The following ADH6 variants were observed in gnomAD, a reference collection of about 807,000 sequenced individuals.
ADH6 encodes alcohol dehydrogenase 6 (class V), also known as alcohol dehydrogenase 6.
A neutral mutation model predicts 36.5 loss-of-function variants in ADH6; 34 were observed. The observed-to-expected ratio is 0.93, with a 90% CI of 0.71 to 1.24. The LOEUF is 1.24. Ranked by LOEUF, ADH6 falls within the 50% of genes most tolerant of loss-of-function variation. The probability of loss-of-function intolerance (pLI) is 0.00; values close to 1 mark genes in which losing one functional copy is unlikely to be tolerated. For missense variants in ADH6, 440 were observed against 447.0 expected, an observed-to-expected ratio of 0.98 and a Z score of 0.14; for synonymous variants, 161 against 155.5, an observed-to-expected ratio of 1.04 and a Z score of -0.26.
chr4:99,203,207 G>A lies in ADH6; in HGVS notation c.*1012C>T, dbSNP rs1256381755. 3 of 158,948 alleles carry A rather than the reference G, an allele frequency of 1.9e-5. No homozygotes were observed. The allele number at this position is 158,948 out of a possible 1,614,324, so 9.8% of individuals were successfully genotyped here. A position where few individuals can be genotyped will look rare whatever the true frequency, so the allele number is the denominator to read the frequency against. On this transcript the variant is annotated 3_prime_UTR_variant, in exon 9 of 9. Coordinates refer to ENST00000394899, the MANE Select transcript of ADH6 (RefSeq NM_001102470.2). ...CTAGGGGAGTCCAGCTGGAGCAGAA[G>A]AGTCTGCAACTAGGAAGGGAACTCT...
Position 99,203,633 on chromosome 4 carries a change from A to G in ADH6, c.*586T>C, listed in dbSNP as rs1730927648. 1.3e-5 allele frequency: 2 copies of G among 151,848 alleles called. No individual in the cohort carries two copies. Among genetic ancestry groups the G allele is most frequent in the African/African-American group, 2.4e-5 (1 of 41,320 alleles). 9.4% of individuals were successfully genotyped at this position (151,848 alleles called of 1,614,324 possible). On this transcript the variant is annotated 3_prime_UTR_variant, in exon 9 of 9. Coordinates refer to ENST00000394899, the MANE Select transcript of ADH6 (RefSeq NM_001102470.2). ...TGCTGGATCCCTAGGTGGCTTAGTT[A>G]TGAAGATGGGTACTATGAACTGCTG...
Position 99,207,485 on chromosome 4 carries a change from A to G in ADH6, c.925T>C (p.Phe309Leu). 5 of 1,613,644 alleles carry G rather than the reference A, an allele frequency of 3.1e-6. No homozygotes were observed. The highest frequency in any genetic ancestry group is 4.2e-6 in the Non-Finnish European group (5 of 1,179,702). The change falls in exon 7 of 9, where the codon TTC (phenylalanine) becomes CTC (leucine). Residue 309 changes from phenylalanine (F) to leucine (L), a missense_variant. Phe to Leu is a conservative substitution (Grantham distance 22). Transcript: ENST00000394899. ...SVQLKISGQL[F>L]FSGRSLKGSV... ...CCCTTCAAAGAACGTCCTGAGAAGA[A>G]CAACTGGCCACTGATTTTGAGTTGA... is the stretch of plus-strand genomic sequence containing the variant.
rs985682631 is a variant in ADH6 at position 99,204,031 on chromosome 4, G to T, written c.*188C>A. On this transcript the variant is annotated 3_prime_UTR_variant, in exon 9 of 9. Transcript: ENST00000394899. Reference sequence around the variant, plus strand: ...AGGAGGCTGATCCTTGGTGACACTGGGTTACGTAAGAACAATTTTGATGAA... The same window carrying T: ...AGGAGGCTGATCCTTGGTGACACTGTGTTACGTAAGAACAATTTTGATGAA... 3.3e-6 allele frequency: 2 copies of T among 609,384 alleles called. No individual in the cohort carries two copies. Among genetic ancestry groups the T allele is most frequent in the East Asian group, 3.2e-5 (1 of 30,880 alleles). The allele number at this position is 609,384 out of a possible 1,614,324, so 37.7% of individuals were successfully genotyped here. A position where few individuals can be genotyped will look rare whatever the true frequency, so the allele number is the denominator to read the frequency against.
chr4:99,210,245 C>T lies in ADH6; in HGVS notation c.404G>A (p.Gly135Glu). Residue 135 changes from glycine (G) to glutamate (E), a missense_variant, in exon 5 of 9, where the codon GGA (glycine) becomes GAA (glutamate). Coordinates refer to ENST00000394899, the MANE Select transcript of ADH6 (RefSeq NM_001102470.2). ...ATTACCAAAGTGATATATTGATTTT[C>T]CCTTGCAGGTAAACCTGCTGGTACC... ...SDGTSRFTCK[G>E]KSIYHFGNTS... 6.2e-7 allele frequency: 1 copy of T among 1,613,750 alleles called. No individual in the cohort carries two copies. The highest frequency in any genetic ancestry group is 8.5e-7 in the Non-Finnish European group (1 of 1,179,852).
Position 99,204,068 on chromosome 4 carries a change from A to G in ADH6, c.*151T>C, listed in dbSNP as rs965366430. 4.5e-6 allele frequency: 4 copies of G among 895,404 alleles called. No individual in the cohort carries two copies. In the African/African-American group the frequency reaches 7.0e-5, roughly 16 times the overall value. 55.5% of individuals were successfully genotyped at this position (895,404 alleles called of 1,614,324 possible). ...ACAATTTTGATGAAATGGTTAGGTCAGAAGCCAGATATAGGTCCACTGCGG... is the reference window on the plus strand; with the variant it reads ...ACAATTTTGATGAAATGGTTAGGTCGGAAGCCAGATATAGGTCCACTGCGG... On this transcript the variant is annotated 3_prime_UTR_variant, in exon 9 of 9. Coordinates refer to ENST00000394899, the MANE Select transcript of ADH6 (RefSeq NM_001102470.2).
At chr4:99,213,791 T>A (rs768945946) in intron 2 of ADH6, 44 bp from the exon 3 acceptor site, 4 of 1,497,358 alleles carry the variant, frequency 2.7e-6, no homozygotes, top group Admixed American at 2.2e-5. Context: ...CTGTTTCAGA[T>A]AATGGTGTTT....
chr4:99,219,239 C>T lies in ADH6; in HGVS notation c.-87G>A, dbSNP rs1398292018. The T allele has an allele frequency of 2.2e-5, 27 of 1,243,516 alleles. No individual in the cohort carries two copies. The highest frequency in any genetic ancestry group is 2.4e-5 in the South Asian group (2 of 81,696). 77.0% of individuals were successfully genotyped at this position (1,243,516 alleles called of 1,614,324 possible). A position where few individuals can be genotyped will look rare whatever the true frequency, so the allele number is the denominator to read the frequency against. On this transcript the variant is annotated 5_prime_UTR_variant, in exon 1 of 9. Transcript: ENST00000394899. ...TGTAGAAAGTACAAAGGTACACAGGCGACTGGTAGATCAGAAGGCTGGGTC... is the reference window on the plus strand; with the variant it reads ...TGTAGAAAGTACAAAGGTACACAGGTGACTGGTAGATCAGAAGGCTGGGTC...
Position 99,213,760 on chromosome 4 carries a change from CA to C in ADH6, c.121-14del. 1 of 1,593,388 alleles carries C rather than the reference CA, an allele frequency of 6.3e-7. No individual in the cohort carries two copies. Among genetic ancestry groups the C allele is most frequent in the Non-Finnish European group, 8.5e-7 (1 of 1,171,852 alleles). On this transcript the variant is annotated splice_polypyrimidine_tract_variant and intron_variant, in intron 2 of 8. Transcript: ENST00000394899. ...CGGTGGCCACAACCTGTATGGAAGG[CA>C]AAGGGTACTGCAGTTCCCGCTGTTT...
chr4:99,210,735 C>A (rs1485597569), intron 3 of ADH6, among the ~76,000 whole-genome samples: 1 of 152,124 alleles, frequency 6.6e-6, no homozygotes, highest in African/African-American at 2.4e-5. Flanking sequence ...GGAACTGGCC[C>A]CAGATTTGCC....
chr4:99,217,066 C>G (rs1731461124), intron 1 of ADH6, among the ~76,000 whole-genome samples: 1 of 152,088 alleles, frequency 6.6e-6, no homozygotes. Context: ...GATGGAGTCT[C>G]ACTCTGTTGC....
In ADH6 at chr4:99,210,013, A is replaced by G. The variant is rs552695499; in HGVS notation, c.567+69T>C. The stretch of plus-strand genomic sequence containing the variant: ...TCCTTTGGTATGATAAGAGATGACA[A>G]AGATGCAAGAGGCCTTTCAACTCCA... On this transcript the variant is annotated intron_variant, in intron 5 of 8. Coordinates refer to ENST00000394899, the MANE Select transcript of ADH6 (RefSeq NM_001102470.2). 13 of 1,492,906 alleles carry G rather than the reference A, an allele frequency of 8.7e-6. No individual in the cohort carries two copies. In the African/African-American group the frequency reaches 1.8e-4, roughly 21 times the overall value. 92.5% of individuals were successfully genotyped at this position (1,492,906 alleles called of 1,614,324 possible).
At chr4:99,215,001 G>T (rs1373012684) in intron 2 of ADH6, among the ~76,000 whole-genome samples, 1 of 152,200 alleles carries the variant, frequency 6.6e-6, no homozygotes, top group African/African-American at 2.4e-5. Context: ...CCAGTGATGA[G>T]TCTGCCCAAC....
rs1731184167 is a variant in ADH6, at chr4:99,210,429, A to G, written c.336T>C (p.Phe112=). 1.9e-6 allele frequency: 3 copies of G among 1,610,636 alleles called. No individual in the cohort carries two copies. Among genetic ancestry groups the G allele is most frequent in the South Asian group, 1.1e-5 (1 of 90,868 alleles). Residue 112 remains phenylalanine, a synonymous_variant, in exon 4 of 9, where the codon TTT becomes TTC. Transcript: ENST00000394899. ...CTSCLNSEGN[F]CIQFKQSKTQ... ...TAAAAACTTACTTGAATTGTATACA[A>G]AAATTGCCCTCAGAATTCAGGCAAG...
rs1228486175 is a variant in ADH6 at position 99,203,424 on chromosome 4, A to G, written c.*795T>C. 1 of 152,188 alleles carries G rather than the reference A, an allele frequency of 6.6e-6. No homozygotes were observed. The highest frequency in any genetic ancestry group is 1.5e-5 in the Non-Finnish European group (1 of 68,034). 9.4% of individuals were successfully genotyped at this position (152,188 alleles called of 1,614,324 possible). A position where few individuals can be genotyped will look rare whatever the true frequency, so the allele number is the denominator to read the frequency against. ...ACTGGGGCTCATTTTCCCCTAAGCC[A>G]CTTCTTGGAGGAAAAACTCCATGGA... On this transcript the variant is annotated 3_prime_UTR_variant, in exon 9 of 9. Coordinates refer to ENST00000394899, the MANE Select transcript of ADH6 (RefSeq NM_001102470.2).
In ADH6 at chr4:99,204,095, G is replaced by C. The variant is rs1005492880; in HGVS notation, c.*124C>G. ...AAGCCAGATATAGGTCCACTGCGGA[G>C]TGAATCAGAAGTCAGAATATAGAAA... On this transcript the variant is annotated 3_prime_UTR_variant, in exon 9 of 9. Transcript: ENST00000394899. 8.2e-7 allele frequency: 1 copy of C among 1,216,412 alleles called. No homozygotes were observed. The highest frequency in any genetic ancestry group is 1.6e-5 in the African/African-American group (1 of 64,498). The allele number at this position is 1,216,412 out of a possible 1,614,324, so 75.4% of individuals were successfully genotyped here.
At position 99,210,495 on chromosome 4, in the gene ADH6, T is replaced by G; in HGVS notation, c.270A>C (p.Lys90Asn). The change falls in exon 4 of 9, where the codon AAA becomes AAC. Residue 90 changes from lysine to asparagine, a missense_variant. By Grantham distance (94) the Lys-to-Asn change is moderately conservative. Coordinates refer to ENST00000394899, the MANE Select transcript of ADH6 (RefSeq NM_001102470.2). ...EGVSTVKPGD[K>N]VITLFLPQCG... is the part of the protein sequence containing the mutation. ...ACTGTGGCAGAAAGAGTGTGATAAC[T>G]TTGTCACCTAAAAGAGCAAAATCAT... is the stretch of plus-strand genomic sequence containing the variant. 1 of 1,609,562 alleles carries G rather than the reference T, an allele frequency of 6.2e-7. No individual in the cohort carries two copies. Among genetic ancestry groups the G allele is most frequent in the Non-Finnish European group, 8.5e-7 (1 of 1,177,818 alleles).
At position 99,204,919 on chromosome 4, in the gene ADH6, G is replaced by C; in HGVS notation, c.1103+6C>G. Reference sequence around the variant, plus strand: ...CACAGACATAAAATTTATGTGGGCAGTTTACCATTTTCCAGTTTTCATTAA... The same window carrying C: ...CACAGACATAAAATTTATGTGGGCACTTTACCATTTTCCAGTTTTCATTAA... On this transcript the variant is annotated splice_donor_region_variant and intron_variant, in intron 8 of 8. Transcript: ENST00000394899. The C allele has an allele frequency of 6.2e-7, 1 of 1,603,492 alleles. No individual in the cohort carries two copies. The highest frequency in any genetic ancestry group is 8.5e-7 in the Non-Finnish European group (1 of 1,175,202).
rs1028861668 is a variant in ADH6, at chr4:99,209,446, G to C, written c.568-518C>G. 2.6e-5 allele frequency among the ~76,000 whole-genome samples: 4 copies of C among 151,776 alleles called. No individual in the cohort carries two copies. The South Asian group carries it at 8.3e-4, about 32-fold the overall frequency. ...CCATTCTATCTCTCTGTATAGTATT[G>C]GGACTGATGGACACTGGAAAATGCA... On this transcript the variant is annotated intron_variant, in intron 5 of 8. Transcript: ENST00000394899.
chr4:99,217,014 A>G (rs1333265242), intron 1 of ADH6, among the ~76,000 whole-genome samples: 1 of 151,920 alleles, frequency 6.6e-6, no homozygotes, highest in Non-Finnish European at 1.5e-5. Flanking sequence ...TATTCCTTCT[A>G]TCTTATTGTA....
Sources: gnomAD v4.1 joint callset for allele counts (sites outside exome capture counted in the v4.1 genomes callset) on GRCh38, gnomAD v4.1.1 for gene constraint, MANE v1.5 for transcripts, NCBI Gene and HGNC (gene_info 2026-07-23, HGNC 2026-07-21) for gene names.